The following TMEM38B variants were observed in gnomAD, a reference collection of about 807,000 sequenced individuals.
TMEM38B encodes transmembrane protein 38B.
A neutral mutation model predicts 28.7 loss-of-function variants in TMEM38B; 24 were observed. That is an observed-to-expected ratio of 0.84 (90% CI 0.61 to 1.18). The LOEUF (loss-of-function observed/expected upper bound fraction) is 1.18, where lower values mean the gene tolerates loss of function less well. Among genes scored for constraint, TMEM38B ranks in the 50% most tolerant of loss-of-function variants. TMEM38B has a pLI of 0.00. For synonymous variants in TMEM38B, 131 were observed against 127.7 expected (o/e 1.03, Z -0.17); for missense variants, 380 against 350.9 (o/e 1.08, Z -0.66).
At chr9:105,772,665 T>A (rs1567369) in intron 5 of TMEM38B, among the ~76,000 whole-genome samples, 35,100 of 151,002 alleles carry the variant, frequency 0.23, 6,630 homozygotes, top group African/African-American at 0.5. Context: ...TTTAAAAAAA[T>A]TTTTTTTTTA....
chr9:105,723,880 A>G (rs7040532), intron 4 of TMEM38B, among the ~76,000 whole-genome samples: 35,389 of 150,418 alleles, frequency 0.24, 6,783 homozygotes, highest in African/African-American at 0.51. Context: ...TGTCACCCAG[A>G]CCAGAGTGCA....
rs761079510 is a variant in TMEM38B, at chr9:105,748,144, A to C, written c.614A>C (p.Lys205Thr). 5 of 1,613,506 alleles carry C rather than the reference A, an allele frequency of 3.1e-6. No individual in the cohort carries two copies. The African/African-American group carries it at 6.7e-5, about 22-fold the overall frequency. ...FQHTQHLAIS[K>T]HNLMFLYTIF... ...CACACCCAGCATCTGGCAATATCAA[A>C]GCATAATCTTATGTTCCTTTATACC... The change falls in exon 5 of 6, where the codon AAG becomes ACG. Residue 205 changes from lysine (K) to threonine (T), a missense_variant. Physicochemically the swap from Lys to Thr is moderately conservative, Grantham distance 78 (BLOSUM62 -1). Transcript: ENST00000374692.
intron 5 of TMEM38B, 70 bp from the exon 6 acceptor site, chr9:105,773,794 CT>C: frequency 6.8e-7 from 1 of 1,460,970 alleles, no homozygotes; most frequent in Non-Finnish European, 9.3e-7. Context: ...ATTTTTTTTC[CT>C]TTTGTTTCTC....
intron 5 of TMEM38B, among the ~76,000 whole-genome samples, chr9:105,762,051 AT>A (rs776048790): frequency 5.3e-5 from 8 of 152,070 alleles, no homozygotes; most frequent in Non-Finnish European, 1.2e-4. Flanking sequence ...TTTAATATCT[AT>A]TCCTTAAGTG....
intron 5 of TMEM38B, among the ~76,000 whole-genome samples, chr9:105,773,229 C>CGGGT (rs1826615570): frequency 6.6e-6 from 1 of 152,180 alleles, no homozygotes; most frequent in Admixed American, 6.6e-5. Flanking sequence ...GGAGCACTCT[C>CGGGT]TACCCCTTGA....
chr9:105,761,434 A>C (rs974487880), intron 5 of TMEM38B, among the ~76,000 whole-genome samples: 2 of 152,210 alleles, frequency 1.3e-5, no homozygotes, highest in Non-Finnish European at 2.9e-5. Flanking sequence ...AAGAAGTATA[A>C]GGCAATCATA....
At chr9:105,760,518 A>C (rs1405621900) in intron 5 of TMEM38B, 4 of 743,486 alleles carry the variant, frequency 5.4e-6, no homozygotes, top group Non-Finnish European at 9.8e-6. Context: ...AAAAGCAAAA[A>C]GTTTCTACCT....
chr9:105,751,200 G>C (rs1048809712), intron 5 of TMEM38B, among the ~76,000 whole-genome samples: 1 of 152,206 alleles, frequency 6.6e-6, no homozygotes, highest in Non-Finnish European at 1.5e-5. Flanking sequence ...CATTGGGACT[G>C]TCTAGGCAGA....
intron 4 of TMEM38B, among the ~76,000 whole-genome samples, chr9:105,737,080 T>C (rs961991600): frequency 6.6e-6 from 1 of 152,240 alleles, no homozygotes; most frequent in African/African-American, 2.4e-5. Flanking sequence ...AGTGCTGGGC[T>C]GCAGGGTGCG....
rs115634572 is a variant in TMEM38B at position 105,711,473 on chromosome 9, A to G, written c.269+5720A>G. On this transcript the variant is annotated intron_variant, in intron 2 of 5. Transcript: ENST00000374692. ...AAGAAAAGAAAAGAAAAAGGAAAAT[A>G]CAGAAAACCACAAAGCCAAACATAA... Among the ~76,000 whole-genome samples the G allele has an allele frequency of 3.1e-3, 465 of 152,076 alleles. 1 individual carries two copies. Among genetic ancestry groups the G allele is most frequent in the African/African-American group, 0.01 (434 of 41,488 alleles).
intron 2 of TMEM38B, among the ~76,000 whole-genome samples, chr9:105,713,942 A>G (rs1232926707): frequency 2.7e-5 from 3 of 110,604 alleles, no homozygotes. Context: ...TGAGAGCTGT[A>G]GACATGGGGA....
At chr9:105,739,984 G>C (rs2133605029) in intron 4 of TMEM38B, among the ~76,000 whole-genome samples, 1 of 152,058 alleles carries the variant, frequency 6.6e-6, no homozygotes, top group East Asian at 1.9e-4. Flanking sequence ...CCGGGTTCAA[G>C]TGATTCTCCT....
intron 5 of TMEM38B, among the ~76,000 whole-genome samples, chr9:105,753,340 G>A (rs1837725907): frequency 6.6e-6 from 1 of 152,066 alleles, no homozygotes; most frequent in South Asian, 2.1e-4. Context: ...TCCATGAGAA[G>A]TTCAACCCCA....
intron 5 of TMEM38B, among the ~76,000 whole-genome samples, chr9:105,770,116 T>C (rs1826497744): frequency 1.3e-5 from 2 of 152,112 alleles, no homozygotes; most frequent in South Asian, 4.2e-4. Context: ...CATTGATGTA[T>C]TGAATAAGAT....
chr9:105,732,485 A>G (rs561849703), intron 4 of TMEM38B, among the ~76,000 whole-genome samples: 5 of 152,188 alleles, frequency 3.3e-5, no homozygotes, highest in East Asian at 1.9e-4. Context: ...TAATTTTTGT[A>G]TAAGGTGTAA....
chr9:105,706,370 C>T (rs1160269996), intron 2 of TMEM38B, among the ~76,000 whole-genome samples: 1 of 152,114 alleles, frequency 6.6e-6, no homozygotes, highest in Non-Finnish European at 1.5e-5. Context: ...CAGCTTGTTG[C>T]GGGACGCAGA....
chr9:105,730,025 A>C (rs1296476608), intron 4 of TMEM38B, among the ~76,000 whole-genome samples: 1 of 152,210 alleles, frequency 6.6e-6, no homozygotes, highest in Non-Finnish European at 1.5e-5. Context: ...ATCTGAAAAC[A>C]GAGACAATTT....
At chr9:105,712,159 C>G (rs1307356191) in intron 2 of TMEM38B, among the ~76,000 whole-genome samples, 3 of 152,314 alleles carry the variant, frequency 2.0e-5, no homozygotes, top group South Asian at 4.1e-4. Context: ...AAGTGACCTG[C>G]CTGCATTGGC....
At chr9:105,750,468 A>G (rs1470863439) in intron 5 of TMEM38B, among the ~76,000 whole-genome samples, 6 of 152,246 alleles carry the variant, frequency 3.9e-5, no homozygotes, top group African/African-American at 1.4e-4. Context: ...TACTAAAAAT[A>G]TAAAAATTAG....
Sources: allele counts gnomAD v4.1 joint callset (sites outside exome capture counted in the v4.1 genomes callset), GRCh38; gene constraint gnomAD v4.1.1; transcripts MANE v1.5; gene names NCBI Gene and HGNC (gene_info 2026-07-23, HGNC 2026-07-21).